Variants in KDM6A observed in about 807,000 individuals in gnomAD.
KDM6A encodes lysine demethylase 6A.
KDM6A carries 11 observed loss-of-function variants against 117.6 expected under a neutral mutation model. The ratio of observed to expected loss-of-function variants is 0.09; its 90% CI spans 0.06 to 0.15. KDM6A has a LOEUF of 0.15. Ranked by LOEUF, KDM6A falls within the 10% of genes least tolerant of loss-of-function variation. KDM6A has a pLI of 1.00. For synonymous variants in KDM6A, 384 were observed against 396.1 expected (o/e 0.97, Z 0.36); for missense variants, 799 against 1,077.3 (o/e 0.74, Z 3.62).
intron 27 of KDM6A, among the ~76,000 whole-genome samples, chrX:45,094,350 TG>T (rs2046013806): frequency 9.0e-6 from 1 of 111,724 alleles, no homozygotes; most frequent in South Asian, 3.8e-4. Flanking sequence ...CTGTGCATTC[TG>T]GGGAAGAATG....
intron 4 of KDM6A, among the ~76,000 whole-genome samples, chrX:45,005,232 G>A (rs1014021956): frequency 2.7e-5 from 3 of 110,748 alleles, no homozygotes; most frequent in Non-Finnish European, 5.7e-5. Flanking sequence ...GATAACGTGA[G>A]TGGAGGTGGA....
At chrX:45,045,971 A>G (rs1438379564) in intron 8 of KDM6A, among the ~76,000 whole-genome samples, 4 of 111,833 alleles carry the variant, frequency 3.6e-5, no homozygotes, top group Non-Finnish European at 7.5e-5. Flanking sequence ...TGAAGCAAGT[A>G]TTACATCCGA....
chrX:44,910,435 C>T (rs1267412539), intron 2 of KDM6A, among the ~76,000 whole-genome samples: 2 of 109,888 alleles, frequency 1.8e-5, no homozygotes, highest in Non-Finnish European at 3.8e-5. Flanking sequence ...ATGATCTGCC[C>T]GATTTGGCCT....
At chrX:45,030,341 T>A (rs1466463202) in intron 6 of KDM6A, among the ~76,000 whole-genome samples, 2 of 85,328 alleles carry the variant, frequency 2.3e-5, no homozygotes, top group Non-Finnish European at 4.3e-5. Flanking sequence ...AAAGACCGGC[T>A]GGTAAACTTC....
chrX:45,109,942 A>G (rs2046703128), intron 28 of KDM6A, 137 bp from the exon 29 acceptor site: 3 of 567,325 alleles, frequency 5.3e-6, no homozygotes, highest in East Asian at 3.6e-5. Flanking sequence ...AAACACAGCC[A>G]TGTTTTTCTT....
At position 44,922,949 on chromosome X, in the gene KDM6A, CT is replaced by C. The variant is rs769564976; in HGVS notation, c.226-38331del. The stretch of plus-strand genomic sequence containing the variant: ...ATTAGCTAGTAATTAATTTTTCTGT[CT>C]TTTGTCTGCAAAAGTTTAATTTTCT... On this transcript the variant is annotated intron_variant, in intron 2 of 29. Coordinates refer to ENST00000611820, the MANE Select transcript of KDM6A (RefSeq NM_001291415.2). Among the ~76,000 whole-genome samples the C allele has an allele frequency of 1.8e-3, 202 of 111,766 alleles. 1 individual carries two copies. The highest frequency in any genetic ancestry group is 6.0e-3 in the African/African-American group (184 of 30,786).
intron 6 of KDM6A, among the ~76,000 whole-genome samples, chrX:45,033,805 GAA>G (rs1446055576): frequency 9.0e-6 from 1 of 110,651 alleles, no homozygotes; most frequent in Non-Finnish European, 1.9e-5. Context: ...CACCCACCTA[GAA>G]CTCCCAAAGT....
chrX:45,041,440 C>G (rs1270094762), intron 8 of KDM6A, among the ~76,000 whole-genome samples: 1 of 105,611 alleles, frequency 9.5e-6, no homozygotes, highest in African/African-American at 3.6e-5. Context: ...GACCCCCCCC[C>G]ACCTCCCTCC....
chrX:45,078,091 T>C (rs1234809517), intron 19 of KDM6A, among the ~76,000 whole-genome samples: 1 of 112,451 alleles, frequency 8.9e-6, no homozygotes, highest in Non-Finnish European at 1.9e-5. Context: ...TGTTGCAGCA[T>C]GTGTCAAGAT....
Position 45,061,336 on chromosome X carries a change from A to G in KDM6A, c.1498A>G (p.Asn500Asp). ...CGATTTTCCTCAGAATACTTCTGACAATTGGAGTGGTGGACATGCTGTGTC... is the reference window on the plus strand; with the variant it reads ...CGATTTTCCTCAGAATACTTCTGACGATTGGAGTGGTGGACATGCTGTGTC... Reference protein sequence around the residue: ...TSSPTKNTSDNWSGGHAVSHP... With the variant: ...TSSPTKNTSDDWSGGHAVSHP... Residue 500 changes from asparagine (N) to aspartate (D), a missense_variant, in exon 15 of 30, where the codon AAT (asparagine) becomes GAT (aspartate). Around this residue, in one of 8 missense-constraint regions of KDM6A, gnomAD observed 301 missense variants for 318.3 expected, o/e 0.95. Coordinates refer to ENST00000611820, the MANE Select transcript of KDM6A (RefSeq NM_001291415.2). The G allele has an allele frequency of 4.3e-6, 5 of 1,169,706 alleles. No individual in the cohort carries two copies. The highest frequency in any genetic ancestry group is 4.7e-6 in the Non-Finnish European group (4 of 859,206).
At position 45,067,644 on chromosome X, in the gene KDM6A, C is replaced by CTTTTTTTTTTTTTTTTTTTTTTTT. The variant is rs1267780901; in HGVS notation, c.2080-1927_2080-1926insTTTTTTTTTTTTTTTTTTTTTTTT. On this transcript the variant is annotated intron_variant, in intron 17 of 29. Transcript: ENST00000611820. ...CCTTTACACACTCACTGGTGTGTAT[C>CTTTTTTTTTTTTTTTTTTTTTTTT]TTTTTTTTGTTTTTTTTTTTTTTTT... Among the ~76,000 whole-genome samples, 2 of 90,088 alleles carry CTTTTTTTTTTTTTTTTTTTTTTTT rather than the reference C, an allele frequency of 2.2e-5. 1 individual carries two copies. Among genetic ancestry groups the CTTTTTTTTTTTTTTTTTTTTTTTT allele is most frequent in the Admixed American group, 2.3e-4 (2 of 8,736 alleles). The allele number at this position is 90,088 out of a possible 115,157, so 78.2% of individuals were successfully genotyped here.
At chrX:45,042,251 C>A (rs1261141484) in intron 8 of KDM6A, among the ~76,000 whole-genome samples, 1 of 48,364 alleles carries the variant, frequency 2.1e-5, no homozygotes, top group Admixed American at 3.3e-4. Context: ...GGAAGGAGAC[C>A]GTGGAGGGAG....
rs73490954 is a variant in KDM6A at position 45,024,833 on chromosome X, C to T, written c.564+4103C>T. 4.3e-3 allele frequency among the ~76,000 whole-genome samples: 476 copies of T among 111,123 alleles called. 2 individuals are homozygous for T. Among genetic ancestry groups the T allele is most frequent in the African/African-American group, 0.015 (450 of 30,762 alleles). On this transcript the variant is annotated intron_variant, in intron 6 of 29. Transcript: ENST00000611820. The stretch of plus-strand genomic sequence containing the variant: ...CATGTAAAACAACCATAATTGGGGG[C>T]CAGCATAGATACTGTTGGAGAAATA...
intron 2 of KDM6A, among the ~76,000 whole-genome samples, chrX:44,916,744 C>G (rs1453619131): frequency 1.8e-5 from 2 of 110,289 alleles, no homozygotes; most frequent in Non-Finnish European, 3.8e-5. Flanking sequence ...CTCCTAGGCT[C>G]AAGCAATCCT....
At chrX:44,940,269 G>A (rs1417950035) in intron 2 of KDM6A, among the ~76,000 whole-genome samples, 1 of 110,869 alleles carries the variant, frequency 9.0e-6, no homozygotes, top group Non-Finnish European at 1.9e-5. Context: ...GGCCAGGCTG[G>A]TCTTGAACTC....
At chrX:44,976,066 A>G (rs1242519805) in intron 4 of KDM6A, among the ~76,000 whole-genome samples, 1 of 111,749 alleles carries the variant, frequency 8.9e-6, no homozygotes, top group East Asian at 2.8e-4. Flanking sequence ...TCACCCTTCA[A>G]TGTGGCTGCA....
At chrX:45,007,198 G>T (rs914933128) in intron 4 of KDM6A, among the ~76,000 whole-genome samples, 1 of 111,512 alleles carries the variant, frequency 9.0e-6, no homozygotes, top group Non-Finnish European at 1.9e-5. Context: ...TTTTAAGAAC[G>T]CCAAAGCTTT....
chrX:44,922,064 T>A lies in KDM6A; in HGVS notation c.226-39220T>A, dbSNP rs781382592. Reference sequence around the variant, plus strand: ...TTTTTTTTTTTTTTTTTTTTTTTTTTAAGAGACAGAGCCTGTTGCCCAGGC... The same window carrying A: ...TTTTTTTTTTTTTTTTTTTTTTTTTAAAGAGACAGAGCCTGTTGCCCAGGC... On this transcript the variant is annotated intron_variant, in intron 2 of 29. Transcript: ENST00000611820. Among the ~76,000 whole-genome samples the A allele has an allele frequency of 2.3e-3, 170 of 73,851 alleles. 3 individuals carry two copies. Among genetic ancestry groups the A allele is most frequent in the African/African-American group, 9.0e-3 (160 of 17,765 alleles). 64.1% of individuals were successfully genotyped at this position (73,851 alleles called of 115,157 possible).
At position 45,063,819 on chromosome X, in the gene KDM6A, TA is replaced by T. The variant is rs1162990065; in HGVS notation, c.2079+4del. 8.4e-7 allele frequency: 1 copy of T among 1,186,829 alleles called. No homozygotes were observed. Among genetic ancestry groups the T allele is most frequent in the African/African-American group, 1.8e-5 (1 of 56,467 alleles). On this transcript the variant is annotated splice_donor_region_variant and intron_variant, in intron 17 of 29. Transcript: ENST00000611820. ...AACCAACTATCTAACTCCACTCAGGTAATAGGAGGACTAGCTTCCTTGTTGG... is the reference window on the plus strand; with the variant it reads ...AACCAACTATCTAACTCCACTCAGGTATAGGAGGACTAGCTTCCTTGTTGG...
Sources: allele counts gnomAD v4.1 joint callset (sites outside exome capture counted in the v4.1 genomes callset), GRCh38; gene constraint gnomAD v4.1.1; regional missense constraint gnomAD v4.1.1; transcripts MANE v1.5; gene names NCBI Gene and HGNC (gene_info 2026-07-23, HGNC 2026-07-21).